Variants in ITPK1 observed in about 807,000 individuals in gnomAD.
ITPK1 encodes the protein inositol 1,3,4-trisphosphate 5/6-kinase.
Under a neutral mutation model 45.3 loss-of-function variants are expected in ITPK1, and 21 were observed. That is an observed-to-expected ratio of 0.46 (90% CI 0.33 to 0.67). ITPK1 has a LOEUF of 0.67. Ranked by LOEUF, ITPK1 falls within the 30% of genes least tolerant of loss-of-function variation. The pLI is 0.02. For synonymous variants in ITPK1, 258 were observed against 253.6 expected, an observed-to-expected ratio of 1.02 and a Z score of -0.16; for missense variants, 474 against 573.5, an observed-to-expected ratio of 0.83 and a Z score of 1.77.
chr14:93,095,578 T>G (rs1396674963), intron 2 of ITPK1, among the ~76,000 whole-genome samples: 12 of 138,964 alleles, frequency 8.6e-5, no homozygotes, highest in Non-Finnish European at 1.2e-4. Flanking sequence ...GACTAGGTTT[T>G]TTTTTTTTTT....
At chr14:93,003,364 G>C (rs1026974974) in intron 4 of ITPK1, among the ~76,000 whole-genome samples, 1 of 152,184 alleles carries the variant, frequency 6.6e-6, no homozygotes, top group Non-Finnish European at 1.5e-5. Flanking sequence ...CATCAACCAA[G>C]GCCAGCCGAA....
At chr14:92,965,122 G>A (rs186653352) in intron 5 of ITPK1, among the ~76,000 whole-genome samples, 15 of 152,204 alleles carry the variant, frequency 9.9e-5, no homozygotes, top group Middle Eastern at 3.4e-3. Context: ...AGCCTCCCTC[G>A]CAGAAAAAGT....
chr14:93,055,354 G>C lies in ITPK1; in HGVS notation c.120+21241C>G, dbSNP rs1025777413. ...GAGGATTTGCAGGGCCAAAGGGTCA[G>C]CATCTCCTCAGCTTTAACCAAGCCA... is the stretch of plus-strand genomic sequence containing the variant. On this transcript the variant is annotated intron_variant, in intron 3 of 10. Transcript: ENST00000267615. 2.3e-4 allele frequency among the ~76,000 whole-genome samples: 35 copies of C among 152,156 alleles called. 1 individual carries two copies. The highest frequency in any genetic ancestry group is 1.3e-4 in the Admixed American group (2 of 15,274).
chr14:93,054,014 G>A (rs1890126914), intron 3 of ITPK1, among the ~76,000 whole-genome samples: 1 of 152,182 alleles, frequency 6.6e-6, no homozygotes. Context: ...GAAGCGAAGA[G>A]CAAAGGCTTA....
At chr14:93,098,414 G>GCTGC (rs961117738) in intron 2 of ITPK1, among the ~76,000 whole-genome samples, 1 of 151,310 alleles carries the variant, frequency 6.6e-6, no homozygotes, top group African/African-American at 2.4e-5. Context: ...CCGAGATCAC[G>GCTGC]CTGCCGCACT....
chr14:93,052,400 G>A (rs1055150402), intron 3 of ITPK1, among the ~76,000 whole-genome samples: 6 of 152,258 alleles, frequency 3.9e-5, no homozygotes, highest in East Asian at 3.9e-4. Flanking sequence ...CATCTAGGGC[G>A]GCCTGTTGTC....
chr14:92,983,528 CAA>C (rs999684249), intron 5 of ITPK1, among the ~76,000 whole-genome samples: 5 of 152,098 alleles, frequency 3.3e-5, no homozygotes, highest in African/African-American at 1.2e-4. Flanking sequence ...AAAAAATAGG[CAA>C]ACAACAGGCA....
chr14:93,027,030 T>C lies in ITPK1; in HGVS notation c.121-10229A>G, dbSNP rs142876918. Among the ~76,000 whole-genome samples, 118 of 152,250 alleles carry C rather than the reference T, an allele frequency of 7.8e-4. 1 individual carries two copies. The highest frequency in any genetic ancestry group is 6.8e-3 in the Middle Eastern group (2 of 294). ...CTTTTTTATAACAGTGAGAAAAAAA[T>C]TGGTTTCATTATATATTTCATTTAA... On this transcript the variant is annotated intron_variant, in intron 3 of 10. Coordinates refer to ENST00000267615, the MANE Select transcript of ITPK1 (RefSeq NM_014216.6).
At position 93,012,546 on chromosome 14, in the gene ITPK1, C is replaced by T. The variant is rs1389878836; in HGVS notation, c.246+4130G>A. 6.6e-6 allele frequency among the ~76,000 whole-genome samples: 1 copy of T among 152,146 alleles called. No individual in the cohort carries two copies. The highest frequency in any genetic ancestry group is 1.5e-5 in the Non-Finnish European group (1 of 68,032). On this transcript the variant is annotated intron_variant, in intron 4 of 10. Transcript: ENST00000267615. This position sits in a 1 kb window ranked among gnomAD's most constrained non-coding sequence, Gnocchi z 4.9. ...ATAAGAAAGCATGGGATGTTTTAAG[C>T]CAAGCTGTGCTGTGATCAGACCTGT...
At chr14:92,991,226 C>T (rs1035475182) in intron 5 of ITPK1, among the ~76,000 whole-genome samples, 3 of 152,204 alleles carry the variant, frequency 2.0e-5, no homozygotes, top group Middle Eastern at 6.8e-3. Context: ...CCCAGGAAGG[C>T]TCTCTGCCTC....
chr14:93,082,880 AG>A (rs1891494208), intron 2 of ITPK1, among the ~76,000 whole-genome samples: 1 of 152,238 alleles, frequency 6.6e-6, no homozygotes, highest in Non-Finnish European at 1.5e-5. Flanking sequence ...AGAGGGCTCC[AG>A]GAGGGCAAAT....
At chr14:93,033,664 C>T (rs1483309151) in intron 3 of ITPK1, among the ~76,000 whole-genome samples, 3 of 152,212 alleles carry the variant, frequency 2.0e-5, no homozygotes, top group East Asian at 3.9e-4. Context: ...GTAAGAGGTA[C>T]GTGTCTAAGG....
At chr14:93,114,300 G>A (rs1892857060) in intron 2 of ITPK1, among the ~76,000 whole-genome samples, 1 of 152,198 alleles carries the variant, frequency 6.6e-6, no homozygotes, top group African/African-American at 2.4e-5. Flanking sequence ...CGGAGACTCC[G>A]CCAAGGAGCA....
chr14:92,948,894 C>T (rs981713589), intron 9 of ITPK1, among the ~76,000 whole-genome samples: 8 of 152,192 alleles, frequency 5.3e-5, no homozygotes, highest in Admixed American at 4.6e-4. Context: ...ATATCACCCA[C>T]GCTCTGAGGG....
chr14:93,097,669 T>C (rs1255788944), intron 2 of ITPK1, among the ~76,000 whole-genome samples: 1 of 152,254 alleles, frequency 6.6e-6, no homozygotes, highest in Non-Finnish European at 1.5e-5. Context: ...AAGACATTTA[T>C]ATTCACAAAG....
In ITPK1 at chr14:93,000,808, G is replaced by A. The variant is rs183226332; in HGVS notation, c.247-6811C>T. Among the ~76,000 whole-genome samples, 368 of 151,604 alleles carry A rather than the reference G, an allele frequency of 2.4e-3. 2 individuals are homozygous for A. The highest frequency in any genetic ancestry group is 8.2e-3 in the African/African-American group (339 of 41,290). On this transcript the variant is annotated intron_variant, in intron 4 of 10. Coordinates refer to ENST00000267615, the MANE Select transcript of ITPK1 (RefSeq NM_014216.6). ...ACTGGCCAACATAGCAAAACCCCCCGCAAAAATACAAAAATTGCCGTGCAT... is the reference window on the plus strand; with the variant it reads ...ACTGGCCAACATAGCAAAACCCCCCACAAAAATACAAAAATTGCCGTGCAT...
intron 3 of ITPK1, among the ~76,000 whole-genome samples, chr14:93,041,440 A>C (rs1889557230): frequency 6.6e-6 from 1 of 152,164 alleles, no homozygotes; most frequent in Admixed American, 6.5e-5. Context: ...GAGCACCAGA[A>C]CCTTCCTGGG....
At chr14:92,996,327 G>T (rs1198394057) in intron 4 of ITPK1, among the ~76,000 whole-genome samples, 1 of 152,048 alleles carries the variant, frequency 6.6e-6, no homozygotes, top group Non-Finnish European at 1.5e-5. Context: ...GCAAACTATT[G>T]CGAGGACAGA....
rs148754972 is a variant in ITPK1 at position 93,061,517 on chromosome 14, G to A, written c.120+15078C>T. Reference sequence around the variant, plus strand: ...CTGGGGCAGGAGTGAGAAAGGAGGGGAGGGAGGGCACATGAGAGAGAAATG... The same window carrying A: ...CTGGGGCAGGAGTGAGAAAGGAGGGAAGGGAGGGCACATGAGAGAGAAATG... On this transcript the variant is annotated intron_variant, in intron 3 of 10. Coordinates refer to ENST00000267615, the MANE Select transcript of ITPK1 (RefSeq NM_014216.6). Among the ~76,000 whole-genome samples, 793 of 152,320 alleles carry A rather than the reference G, an allele frequency of 5.2e-3. 5 individuals carry two copies. Among genetic ancestry groups the A allele is most frequent in the African/African-American group, 0.018 (750 of 41,572 alleles).
Sources: allele counts gnomAD v4.1 joint callset (sites outside exome capture counted in the v4.1 genomes callset), GRCh38; gene constraint gnomAD v4.1.1; non-coding constraint Gnocchi (gnomAD v3.1); transcripts MANE v1.5; gene names NCBI Gene and HGNC (gene_info 2026-07-23, HGNC 2026-07-21).